The following GRIA4 variants were observed in gnomAD, a reference collection of about 807,000 sequenced individuals.
GRIA4 encodes glutamate ionotropic receptor AMPA type subunit 4, also known as glutamate receptor 4.
In GRIA4, 34 loss-of-function variants were observed where a neutral mutation model predicts 104.0. The observed-to-expected ratio is 0.33, with a 90% CI of 0.25 to 0.44. GRIA4 has a LOEUF of 0.44. Ranked by LOEUF, GRIA4 falls within the 20% of genes least tolerant of loss-of-function variation. The probability of loss-of-function intolerance (pLI) is 1.00; values close to 1 mark genes in which losing one functional copy is unlikely to be tolerated. For synonymous variants in GRIA4, 386 were observed against 381.9 expected, an observed-to-expected ratio of 1.01 and a Z score of -0.13; for missense variants, 750 against 1,096.5, an observed-to-expected ratio of 0.68 and a Z score of 4.46.
chr11:105,749,147 G>A (rs1939851024), intron 3 of GRIA4, among the ~76,000 whole-genome samples: 1 of 152,150 alleles, frequency 6.6e-6, no homozygotes, highest in East Asian at 1.9e-4. Context: ...TGAAAGAAAT[G>A]TCCAAATGTG....
At chr11:105,871,331 C>T (rs1945605903) in intron 5 of GRIA4, among the ~76,000 whole-genome samples, 1 of 151,780 alleles carries the variant, frequency 6.6e-6, no homozygotes, top group African/African-American at 2.4e-5. Context: ...GAATAATAGC[C>T]TTTAAGTTTT....
chr11:105,849,814 C>G (rs1944734049), intron 4 of GRIA4, among the ~76,000 whole-genome samples: 1 of 152,138 alleles, frequency 6.6e-6, no homozygotes, highest in South Asian at 2.1e-4. Context: ...TCATAATTAG[C>G]TCTAAAAAAC....
chr11:105,623,570 A>G (rs905595807), intron 3 of GRIA4, among the ~76,000 whole-genome samples: 6 of 151,882 alleles, frequency 4.0e-5, no homozygotes, highest in African/African-American at 1.5e-4. Context: ...TCTTTCGTCT[A>G]TGCCCTTGTA....
intron 3 of GRIA4, among the ~76,000 whole-genome samples, chr11:105,626,886 T>C (rs1300868575): frequency 2.6e-5 from 4 of 152,214 alleles, no homozygotes; most frequent in Non-Finnish European, 5.9e-5. Flanking sequence ...TACTGATTTA[T>C]GGAGCTCATA....
chr11:105,685,261 CA>C (rs1952842697), intron 3 of GRIA4, among the ~76,000 whole-genome samples: 1 of 152,062 alleles, frequency 6.6e-6, no homozygotes. Context: ...GATATATGCT[CA>C]CCAGCTGCAG....
At chr11:105,762,658 T>C (rs985355139) in intron 4 of GRIA4, among the ~76,000 whole-genome samples, 15 of 152,156 alleles carry the variant, frequency 9.9e-5, no homozygotes, top group African/African-American at 3.6e-4. Flanking sequence ...ATCATGGGGA[T>C]GGGTTTTCCC....
At chr11:105,883,709 C>T (rs1339287865) in intron 5 of GRIA4, among the ~76,000 whole-genome samples, 1 of 152,108 alleles carries the variant, frequency 6.6e-6, no homozygotes, top group Non-Finnish European at 1.5e-5. Context: ...CAAGTCTTTG[C>T]TATTGTGAAT....
intron 4 of GRIA4, among the ~76,000 whole-genome samples, chr11:105,828,792 G>A (rs1943867670): frequency 6.6e-6 from 1 of 151,942 alleles, no homozygotes; most frequent in Non-Finnish European, 1.5e-5. Context: ...TGGGTTAACT[G>A]AAATCCTCAT....
At chr11:105,844,070 A>G (rs1944489554) in intron 4 of GRIA4, among the ~76,000 whole-genome samples, 1 of 152,172 alleles carries the variant, frequency 6.6e-6, no homozygotes, top group South Asian at 2.1e-4. Context: ...ATCCTAGTGT[A>G]ATCTTAACAG....
intron 3 of GRIA4, among the ~76,000 whole-genome samples, chr11:105,679,334 TAATATTTGACCA>T (rs976334243): frequency 1.2e-4 from 18 of 152,162 alleles, no homozygotes; most frequent in African/African-American, 4.1e-4. Context: ...ATAGCCAGAA[TAATATTTGACCA>T]AATATCTGGG....
intron 6 of GRIA4, among the ~76,000 whole-genome samples, chr11:105,888,271 CTTTTTTTTTTTTTTTTT>C (rs71469040): frequency 5.5e-5 from 3 of 54,576 alleles, no homozygotes; most frequent in East Asian, 1.2e-3. Flanking sequence ...ATGTTTTCTC[CTTTTTTTTTTTTTTTTT>C]TTTTTTTTTT....
intron 3 of GRIA4, among the ~76,000 whole-genome samples, chr11:105,738,944 AC>A (rs1462482342): frequency 5.5e-5 from 6 of 109,486 alleles, no homozygotes; most frequent in Non-Finnish European, 6.5e-5. Context: ...AAAAAAAAAA[AC>A]AAAAAAAACC....
intron 3 of GRIA4, among the ~76,000 whole-genome samples, chr11:105,676,574 C>T (rs911297300): frequency 1.3e-5 from 2 of 151,380 alleles, no homozygotes; most frequent in African/African-American, 2.4e-5. Context: ...TGTGCAAATC[C>T]ATCAGAAGAA....
intron 14 of GRIA4, among the ~76,000 whole-genome samples, chr11:105,963,397 T>C (rs556968): frequency 0.65 from 98,395 of 151,926 alleles, 31,900 homozygotes; most frequent in Middle Eastern, 0.72. Flanking sequence ...GGGAATTACA[T>C]CTTTAGTTAG....
At chr11:105,837,486 T>C (rs1336311345) in intron 4 of GRIA4, among the ~76,000 whole-genome samples, 1 of 152,134 alleles carries the variant, frequency 6.6e-6, no homozygotes, top group Non-Finnish European at 1.5e-5. Context: ...TAGATTTAAG[T>C]GTTCCATGGT....
At position 105,980,149 on chromosome 11, in the gene GRIA4, G is replaced by GCTAACCTGTGTCTCCAGAACATC. The variant is rs1859200558; in HGVS notation, c.*412_*434dup. On this transcript the variant is annotated 3_prime_UTR_variant, in exon 17 of 17. Coordinates refer to ENST00000282499, the MANE Select transcript of GRIA4 (RefSeq NM_000829.4). ...AATAGTTGTAGAAGTCCGTGAACATGCTAACCTGTGTCTCCAGAACATCCA... is the reference window on the plus strand; with the variant it reads ...AATAGTTGTAGAAGTCCGTGAACATGCTAACCTGTGTCTCCAGAACATCCTAACCTGTGTCTCCAGAACATCCA... The GCTAACCTGTGTCTCCAGAACATC allele has an allele frequency of 6.3e-6, 1 of 158,340 alleles. No homozygotes were observed. Among genetic ancestry groups the GCTAACCTGTGTCTCCAGAACATC allele is most frequent in the African/African-American group, 2.4e-5 (1 of 41,654 alleles). 9.8% of individuals were successfully genotyped at this position (158,340 alleles called of 1,614,324 possible).
chr11:105,806,478 C>T (rs1942957575), intron 4 of GRIA4, among the ~76,000 whole-genome samples: 1 of 151,864 alleles, frequency 6.6e-6, no homozygotes, highest in Non-Finnish European at 1.5e-5. Flanking sequence ...TATTTAAAAA[C>T]TCAAACTCCC....
intron 4 of GRIA4, among the ~76,000 whole-genome samples, chr11:105,825,246 T>C (rs1479256866): frequency 6.6e-6 from 1 of 152,030 alleles, no homozygotes; most frequent in African/African-American, 2.4e-5. Context: ...CATTCATTTT[T>C]GATTTTGCAT....
intron 3 of GRIA4, among the ~76,000 whole-genome samples, chr11:105,634,718 A>C (rs1951159416): frequency 6.6e-6 from 1 of 152,198 alleles, no homozygotes; most frequent in African/African-American, 2.4e-5. Flanking sequence ...CCCATGCTTA[A>C]GAGTTGGCCA....
Sources: gnomAD v4.1 joint callset for allele counts (sites outside exome capture counted in the v4.1 genomes callset) on GRCh38, gnomAD v4.1.1 for gene constraint, MANE v1.5 for transcripts, NCBI Gene and HGNC (gene_info 2026-07-23, HGNC 2026-07-21) for gene names.